Variants in THSD7B observed in about 807,000 individuals in gnomAD.
The protein encoded by THSD7B is thrombospondin type 1 domain containing 7B.
THSD7B carries 138 observed loss-of-function variants against 213.6 expected under a neutral mutation model. The observed-to-expected ratio is 0.65, with a 90% CI of 0.56 to 0.74. THSD7B has a LOEUF of 0.74. Ranked by LOEUF, THSD7B falls within the 30% of genes least tolerant of loss-of-function variation. THSD7B has a pLI of 0.00. For synonymous variants in THSD7B, 742 were observed against 687.0 expected, an observed-to-expected ratio of 1.08 and a Z score of -1.25; for missense variants, 1,931 against 1,991.5, an observed-to-expected ratio of 0.97 and a Z score of 0.58.
chr2:137,272,859 CA>C (rs1372471035), intron 11 of THSD7B, among the ~76,000 whole-genome samples, 197 bp downstream of exon 11: 7 of 151,868 alleles, frequency 4.6e-5, no homozygotes, highest in Admixed American at 3.9e-4. Flanking sequence ...GTCTAATTAA[CA>C]GGGGGAAAAG....
chr2:137,258,096 C>T (rs981952942), intron 10 of THSD7B, among the ~76,000 whole-genome samples: 6 of 152,118 alleles, frequency 3.9e-5, no homozygotes, highest in African/African-American at 9.7e-5. Flanking sequence ...CCATATTAAA[C>T]TTTTGTGGTT....
At position 137,618,458 on chromosome 2, in the gene THSD7B, G is replaced by A. The variant is rs781272734; in HGVS notation, c.3632G>A (p.Ser1211Asn). 61 of 1,613,804 alleles carry A rather than the reference G, an allele frequency of 3.8e-5. No homozygotes were observed. Among genetic ancestry groups the A allele is most frequent in the Non-Finnish European group, 5.0e-5 (59 of 1,179,878 alleles). ...CAAGGCGTCAGGACCCGCCTGCTAA[G>A]CTGTGTGTGCAGTGATGGCAAGCCA... ...CGQGVRTRLL[S>N]CVCSDGKPVS... Residue 1211 changes from serine (S) to asparagine (N), a missense_variant, in exon 19 of 28, where the codon AGC (serine) becomes AAC (asparagine). Coordinates refer to ENST00000409968, the MANE Select transcript of THSD7B (RefSeq NM_001316349.2).
intron 15 of THSD7B, among the ~76,000 whole-genome samples, chr2:137,507,409 G>A (rs1336377556): frequency 6.6e-6 from 1 of 152,184 alleles, no homozygotes. Flanking sequence ...GGGGTTCGGT[G>A]ATTTGAAAAT....
intron 14 of THSD7B, among the ~76,000 whole-genome samples, chr2:137,449,880 A>G (rs1174710865): frequency 6.6e-6 from 1 of 152,094 alleles, no homozygotes; most frequent in African/African-American, 2.4e-5. Flanking sequence ...TTTGCCATAT[A>G]CCATAACCTA....
intron 14 of THSD7B, among the ~76,000 whole-genome samples, chr2:137,414,972 C>A (rs1686760373): frequency 6.7e-6 from 1 of 148,520 alleles, no homozygotes; most frequent in African/African-American, 2.5e-5. Context: ...GGGAGAATCA[C>A]TTGAACTTCG....
chr2:137,586,277 GAC>G (rs1177768321), intron 17 of THSD7B, among the ~76,000 whole-genome samples: 10 of 152,150 alleles, frequency 6.6e-5, no homozygotes, highest in Admixed American at 3.3e-4. Context: ...GATGGGTCTT[GAC>G]ACTTTATCCA....
chr2:137,120,134 A>G (rs1369480289), intron 5 of THSD7B, among the ~76,000 whole-genome samples: 1 of 152,126 alleles, frequency 6.6e-6, no homozygotes, highest in African/African-American at 2.4e-5. Context: ...GGGATAAAAT[A>G]ACCTTTGCTA....
At chr2:136,793,384 G>A (rs1682001338) in intron 1 of THSD7B, among the ~76,000 whole-genome samples, 1 of 151,980 alleles carries the variant, frequency 6.6e-6, no homozygotes, top group Admixed American at 6.6e-5. Context: ...ATCTCCTGTT[G>A]TAAAGTCTTT....
At chr2:136,910,604 C>T (rs1199315324) in intron 2 of THSD7B, among the ~76,000 whole-genome samples, 1 of 151,942 alleles carries the variant, frequency 6.6e-6, no homozygotes, top group Non-Finnish European at 1.5e-5. Context: ...TGTCTTTATC[C>T]AAAGGCTTTT....
intron 2 of THSD7B, among the ~76,000 whole-genome samples, chr2:136,999,796 G>A (rs939984480): frequency 3.9e-5 from 6 of 152,102 alleles, no homozygotes; most frequent in African/African-American, 1.4e-4. Flanking sequence ...TTTTAGTATA[G>A]TAGAAGTTGT....
chr2:136,965,751 A>C (rs1264055562), intron 2 of THSD7B, among the ~76,000 whole-genome samples: 1 of 151,850 alleles, frequency 6.6e-6, no homozygotes, highest in East Asian at 1.9e-4. Context: ...TTTAGTTTTA[A>C]TAGTTTCTTT....
intron 7 of THSD7B, among the ~76,000 whole-genome samples, chr2:137,195,152 G>T (rs963181032): frequency 6.6e-6 from 1 of 151,702 alleles, no homozygotes; most frequent in Admixed American, 6.6e-5. Flanking sequence ...CTTTTTGGTA[G>T]ATTTAAACCT....
At chr2:137,444,212 A>G (rs1359613474) in intron 14 of THSD7B, among the ~76,000 whole-genome samples, 1 of 152,000 alleles carries the variant, frequency 6.6e-6, no homozygotes, top group Non-Finnish European at 1.5e-5. Flanking sequence ...CTTTTCATGA[A>G]TGGTATTTCC....
At chr2:137,530,410 G>T (rs1480984810) in intron 15 of THSD7B, among the ~76,000 whole-genome samples, 1 of 151,892 alleles carries the variant, frequency 6.6e-6, no homozygotes, top group African/African-American at 2.4e-5. Context: ...CCATACTGTA[G>T]CCCCTGCAAA....
intron 12 of THSD7B, among the ~76,000 whole-genome samples, chr2:137,392,329 A>G (rs1474894843): frequency 6.6e-6 from 1 of 152,092 alleles, no homozygotes; most frequent in Non-Finnish European, 1.5e-5. Flanking sequence ...TGATCTGTCT[A>G]ATGCTGTGAG....
intron 5 of THSD7B, among the ~76,000 whole-genome samples, chr2:137,148,097 G>C (rs113852781): frequency 1.3e-5 from 2 of 152,100 alleles, no homozygotes; most frequent in African/African-American, 4.8e-5. Flanking sequence ...GCAGGTAATT[G>C]AACCATGAGG....
chr2:136,770,730 T>C (rs956919890), intron 1 of THSD7B, among the ~76,000 whole-genome samples: 4 of 152,244 alleles, frequency 2.6e-5, no homozygotes, highest in African/African-American at 7.2e-5. Context: ...GTGACAAGAA[T>C]GAATGCAATC....
At chr2:136,792,520 G>A (rs1681986943) in intron 1 of THSD7B, among the ~76,000 whole-genome samples, 1 of 152,018 alleles carries the variant, frequency 6.6e-6, no homozygotes, top group South Asian at 2.1e-4. Flanking sequence ...ATGGGCTTCT[G>A]GGTGATGGTC....
intron 2 of THSD7B, among the ~76,000 whole-genome samples, chr2:136,928,774 GTT>G (rs1364479130): frequency 6.6e-6 from 1 of 152,092 alleles, no homozygotes; most frequent in African/African-American, 2.4e-5. Flanking sequence ...TAATTACAGA[GTT>G]TTAGGAGCTC....
Sources: gnomAD v4.1 joint callset for allele counts (sites outside exome capture counted in the v4.1 genomes callset) on GRCh38, gnomAD v4.1.1 for gene constraint, MANE v1.5 for transcripts, NCBI Gene and HGNC (gene_info 2026-07-23, HGNC 2026-07-21) for gene names.